Variants in HDAC10 observed in about 807,000 individuals in gnomAD.
HDAC10 encodes polyamine deacetylase HDAC10.
HDAC10 carries 90 observed loss-of-function variants against 82.3 expected under a neutral mutation model. That is an observed-to-expected ratio of 1.09 (90% CI 0.92 to 1.30). HDAC10 has a LOEUF of 1.30. Among genes scored for constraint, HDAC10 ranks in the 50% most tolerant of loss-of-function variants. HDAC10 has a pLI of 0.00. For synonymous variants in HDAC10, 456 were observed against 391.7 expected (o/e 1.16, Z -1.94); for missense variants, 934 against 876.3 (o/e 1.07, Z -0.83).
chr22:50,249,241 A>T lies in HDAC10; in HGVS notation c.691-73T>A. The T allele has an allele frequency of 8.5e-7, 1 of 1,178,844 alleles. No homozygotes were observed. The allele number at this position is 1,178,844 out of a possible 1,614,324, so 73.0% of individuals were successfully genotyped here. On this transcript the variant is annotated intron_variant, in intron 7 of 19. Coordinates refer to ENST00000216271, the MANE Select transcript of HDAC10 (RefSeq NM_032019.6). The surrounding 1 kb of genome is among the most constrained non-coding windows in gnomAD (Gnocchi z 4.4). ...GGCCCGGGGGAGGGGGTGGGTGGGG[A>T]CCTGGGGCTTGAGGGTGAACTGTGG... is the stretch of plus-strand genomic sequence containing the variant.
rs764670599 is a variant in HDAC10, at chr22:50,247,643, C to T, written c.1422+49G>A. On this transcript the variant is annotated intron_variant, in intron 14 of 19. Transcript: ENST00000216271. ...CCACATCTCGTTGGCAGGTCCTGGTCCCTGCCCCTAGGTCCACAGCATCCC... is the reference window on the plus strand; with the variant it reads ...CCACATCTCGTTGGCAGGTCCTGGTTCCTGCCCCTAGGTCCACAGCATCCC... The T allele has an allele frequency of 4.3e-6, 6 of 1,381,454 alleles. No individual in the cohort carries two copies. The South Asian group carries it at 8.0e-5, about 18-fold the overall frequency. The allele number at this position is 1,381,454 out of a possible 1,614,324, so 85.6% of individuals were successfully genotyped here. A position where few individuals can be genotyped will look rare whatever the true frequency, so the allele number is the denominator to read the frequency against.
At position 50,245,402 on chromosome 22, in the gene HDAC10, G is replaced by T; in HGVS notation, c.*105C>A. ...GGATTGGGAGTGGGCGGGGTTCCGT[G>T]CCCCAGAGTCGAGGGAGCCGTGGGC... On this transcript the variant is annotated 3_prime_UTR_variant, in exon 20 of 20. Coordinates refer to ENST00000216271, the MANE Select transcript of HDAC10 (RefSeq NM_032019.6). The T allele has an allele frequency of 1.4e-6, 1 of 706,274 alleles. No homozygotes were observed. Among genetic ancestry groups the T allele is most frequent in the South Asian group, 1.5e-5 (1 of 67,280 alleles). The allele number at this position is 706,274 out of a possible 1,614,324, so 43.8% of individuals were successfully genotyped here.
rs201238765 is a variant in HDAC10 at position 50,246,393 on chromosome 22, G to A, written c.1572-17C>T. 5 of 1,604,266 alleles carry A rather than the reference G, an allele frequency of 3.1e-6. No individual in the cohort carries two copies. The highest frequency in any genetic ancestry group is 4.3e-6 in the Non-Finnish European group (5 of 1,174,368). ...AGACTCCTCCTTCCAGGACACAGGT[G>A]CATAAGTGTAAGGCCCTGCTCACCC... On this transcript the variant is annotated splice_polypyrimidine_tract_variant and intron_variant, in intron 16 of 19. Transcript: ENST00000216271.
At chr22:50,246,195 G>A (rs2064940305) in intron 17 of HDAC10, 103 bp from the exon 18 acceptor site, 2 of 1,527,754 alleles carry the variant, frequency 1.3e-6, no homozygotes, top group East Asian at 4.5e-5. Context: ...CAGGGAGACA[G>A]GAAGGACCAG....
At chr22:50,246,120 C>T in intron 17 of HDAC10, 28 bp from the exon 18 acceptor site, 4 of 1,578,376 alleles carry the variant, frequency 2.5e-6, no homozygotes, top group Non-Finnish European at 3.4e-6. Flanking sequence ...CCCAGCTCCT[C>T]ATCTACGGAC....
chr22:50,246,819 T>C (rs943199496), intron 15 of HDAC10, 56 bp downstream of exon 15: 18 of 1,595,238 alleles, frequency 1.1e-5, no homozygotes, highest in African/African-American at 6.7e-5. Context: ...CCAGCCAGGA[T>C]AGGGGTGCCC....
rs756014040 is a variant in HDAC10 at position 50,247,963 on chromosome 22, T to C, written c.1264A>G (p.Thr422Ala). 2 of 1,612,730 alleles carry C rather than the reference T, an allele frequency of 1.2e-6. No individual in the cohort carries two copies. Among genetic ancestry groups the C allele is most frequent in the African/African-American group, 1.3e-5 (1 of 74,908 alleles). Reference sequence around the variant, plus strand: ...ATGACGTCAGGGGGCAGAACCAATGTGATATCCGGCGTTGTCAGGGCAACA... The same window carrying C: ...ATGACGTCAGGGGGCAGAACCAATGCGATATCCGGCGTTGTCAGGGCAACA... ...TAVALTTPDI[T>A]LVLPPDVIQQ... Residue 422 changes from threonine to alanine, a missense_variant, in exon 13 of 20, where the codon ACA becomes GCA. Physicochemically the swap from Thr to Ala is moderately conservative, Grantham distance 58. Transcript: ENST00000216271.
chr22:50,247,820 G>T (rs369954254), intron 13 of HDAC10, 44 bp from the exon 14 acceptor site: 13 of 1,612,036 alleles, frequency 8.1e-6, no homozygotes, highest in Non-Finnish European at 1.1e-5. Flanking sequence ...CGGAGTGACC[G>T]CAGGTCAGGC....
chr22:50,245,397 T>G lies in HDAC10; in HGVS notation c.*110A>C. The G allele has an allele frequency of 1.4e-6, 1 of 702,264 alleles. No individual in the cohort carries two copies. Among genetic ancestry groups the G allele is most frequent in the African/African-American group, 1.8e-5 (1 of 56,828 alleles). 43.5% of individuals were successfully genotyped at this position (702,264 alleles called of 1,614,324 possible). On this transcript the variant is annotated 3_prime_UTR_variant, in exon 20 of 20. Coordinates refer to ENST00000216271, the MANE Select transcript of HDAC10 (RefSeq NM_032019.6). The stretch of plus-strand genomic sequence containing the variant: ...CGCGGGGATTGGGAGTGGGCGGGGT[T>G]CCGTGCCCCAGAGTCGAGGGAGCCG...
chr22:50,249,661 G>T lies in HDAC10; in HGVS notation c.537C>A (p.Ile179=). The T allele has an allele frequency of 6.2e-7, 1 of 1,612,912 alleles. No homozygotes were observed. Among genetic ancestry groups the T allele is most frequent in the Non-Finnish European group, 8.5e-7 (1 of 1,179,976 alleles). ...VDWDVHHGQG[I]QYLFEDDPSV... is the part of the protein sequence containing the mutation. ...TGGGGTCATCCTCAAAGAGATACTGGATCCCCTGGCCATGGTGCACATCCC... is the reference window on the plus strand; with the variant it reads ...TGGGGTCATCCTCAAAGAGATACTGTATCCCCTGGCCATGGTGCACATCCC... The change falls in exon 6 of 20, where the codon ATC becomes ATA. Residue 179 remains isoleucine, a synonymous_variant. Coordinates refer to ENST00000216271, the MANE Select transcript of HDAC10 (RefSeq NM_032019.6). The surrounding 1 kb of genome is among the most constrained non-coding windows in gnomAD (Gnocchi z 4.4).
At chr22:50,247,173 T>A in intron 14 of HDAC10, 1 of 462,050 alleles carries the variant, frequency 2.2e-6, no homozygotes, top group East Asian at 3.5e-5. Flanking sequence ...AGGGTCTCGT[T>A]CTGTAGCCAG....
In HDAC10 at chr22:50,249,412, G is replaced by A; in HGVS notation, c.606C>T (p.Phe202=). The change falls in exon 7 of 20, where the codon TTC becomes TTT. Residue 202 remains phenylalanine (F), a synonymous_variant. Transcript: ENST00000216271. This position sits in a 1 kb window ranked among gnomAD's most constrained non-coding sequence, Gnocchi z 4.4. Reference sequence around the variant, plus strand: ...CATCTGACTCTCGCAGGAAAGGCCAGAAGCGCCCATGCTCATAGCGGTGCC... The same window carrying A: ...CATCTGACTCTCGCAGGAAAGGCCAAAAGCGCCCATGCTCATAGCGGTGCC... ...FSWHRYEHGR[F]WPFLRESDAD... is the part of the protein sequence containing the mutation. 6.2e-7 allele frequency: 1 copy of A among 1,612,720 alleles called. No homozygotes were observed. The highest frequency in any genetic ancestry group is 2.2e-5 in the East Asian group (1 of 44,880).
chr22:50,247,231 T>C (rs950512294), intron 14 of HDAC10: 1 of 393,332 alleles, frequency 2.5e-6, no homozygotes. Flanking sequence ...CTCAAACTCC[T>C]GGGCTTAAGC....
rs986745935 is a variant in HDAC10 at position 50,249,457 on chromosome 22, G to A, written c.564-3C>T. On this transcript the variant is annotated splice_polypyrimidine_tract_variant and splice_region_variant and intron_variant, in intron 6 of 19. Coordinates refer to ENST00000216271, the MANE Select transcript of HDAC10 (RefSeq NM_032019.6). This position sits in a 1 kb window ranked among gnomAD's most constrained non-coding sequence, Gnocchi z 4.4. ...GGTGCCAGGAGAAGTAAAGGACGCT[G>A]CCAACAGCCAGCCAGGGCCAGAGGT... is the stretch of plus-strand genomic sequence containing the variant. The A allele has an allele frequency of 3.7e-6, 6 of 1,612,544 alleles. No individual in the cohort carries two copies. In the African/African-American group the frequency reaches 5.3e-5, roughly 14 times the overall value.
chr22:50,248,713 G>A lies in HDAC10; in HGVS notation c.855C>T (p.Leu285=), dbSNP rs757984364. 1.7e-5 allele frequency: 26 copies of A among 1,562,060 alleles called. 1 individual carries two copies. In the East Asian group the frequency reaches 5.6e-4, roughly 34 times the overall value. The stretch of plus-strand genomic sequence containing the variant: ...CGGCCAGCACCTGCAGCAGCTGTGT[G>A]AGGTGGGCGAAGCACTCTGGCGTGG... ...MQATPECFAH[L]TQLLQVLAGG... The change falls in exon 10 of 20, where the codon CTC becomes CTT. Residue 285 remains leucine, a synonymous_variant. Transcript: ENST00000216271. This position sits in a 1 kb window ranked among gnomAD's most constrained non-coding sequence, Gnocchi z 5.4.
rs370025223 is a variant in HDAC10, at chr22:50,248,336, C to A, written c.1013+30G>T. On this transcript the variant is annotated intron_variant, in intron 11 of 19. Transcript: ENST00000216271. This position sits in a 1 kb window ranked among gnomAD's most constrained non-coding sequence, Gnocchi z 5.4. ...AGTCGTGACACCTGGTCTCACACCC[C>A]GGCCCTGCCCGCCCTACCTCCCCTC... 3 of 1,611,384 alleles carry A rather than the reference C, an allele frequency of 1.9e-6. No homozygotes were observed. The South Asian group carries it at 3.3e-5, about 18-fold the overall frequency.
In HDAC10 at chr22:50,248,006, T is replaced by G; in HGVS notation, c.1221A>C (p.Ala407=). The G allele has an allele frequency of 6.2e-7, 1 of 1,612,586 alleles. No homozygotes were observed. Among genetic ancestry groups the G allele is most frequent in the South Asian group, 1.1e-5 (1 of 91,058 alleles). ...GGGCAACAGCGGTGCGGACAGAGGG[T>G]GCGGGGCAGAGGCACGGCTGGTCCA... is the stretch of plus-strand genomic sequence containing the variant. ...SLLDQPCLCP[A]PSVRTAVALT... Residue 407 remains alanine (A), a synonymous_variant, in exon 13 of 20, where the codon GCA becomes GCC. Coordinates refer to ENST00000216271, the MANE Select transcript of HDAC10 (RefSeq NM_032019.6). The surrounding 1 kb of genome is among the most constrained non-coding windows in gnomAD (Gnocchi z 5.4).
In HDAC10 at chr22:50,245,536, G is replaced by T; in HGVS notation, c.1987-6C>A. The T allele has an allele frequency of 9.7e-7, 1 of 1,026,672 alleles. No individual in the cohort carries two copies. Among genetic ancestry groups the T allele is most frequent in the East Asian group, 2.4e-5 (1 of 42,174 alleles). The allele number at this position is 1,026,672 out of a possible 1,614,324, so 63.6% of individuals were successfully genotyped here. On this transcript the variant is annotated splice_polypyrimidine_tract_variant and splice_region_variant and intron_variant, in intron 19 of 19. Transcript: ENST00000216271. ...GCCACCAGGTGAGGATGGCACTACA[G>T]GAGGAGCCGAGAAGAGGCGCGCAGT...
rs1569135596 is a variant in HDAC10 at position 50,248,619 on chromosome 22, G to A, written c.906+43C>T. ...TGGCTCCCATGCTCCTGACCCCCAG[G>A]CCTCTGGCCCAGAGACCCTCCCTGT... On this transcript the variant is annotated intron_variant, in intron 10 of 19. Transcript: ENST00000216271. The surrounding 1 kb of genome is among the most constrained non-coding windows in gnomAD (Gnocchi z 5.4). 11 of 1,476,422 alleles carry A rather than the reference G, an allele frequency of 7.5e-6. No individual in the cohort carries two copies. Among genetic ancestry groups the A allele is most frequent in the Middle Eastern group, 1.8e-4 (1 of 5,598 alleles). 91.5% of individuals were successfully genotyped at this position (1,476,422 alleles called of 1,614,324 possible).
Sources: allele counts gnomAD v4.1 joint callset, GRCh38; gene constraint gnomAD v4.1.1; non-coding constraint Gnocchi (gnomAD v3.1); transcripts MANE v1.5; gene names NCBI Gene and HGNC (gene_info 2026-07-23, HGNC 2026-07-21).